Variants in RUFY2 observed in about 807,000 individuals in gnomAD.
RUFY2 encodes RUN and FYVE domain-containing protein 2.
Under a neutral mutation model 94.4 loss-of-function variants are expected in RUFY2, and 49 were observed. The ratio of observed to expected loss-of-function variants is 0.52; its 90% CI spans 0.41 to 0.66. The LOEUF (loss-of-function observed/expected upper bound fraction) is 0.66. Ranked by LOEUF, RUFY2 falls within the 30% of genes least tolerant of loss-of-function variation. The pLI, the probability that RUFY2 is intolerant of heterozygous loss-of-function variation, is 0.00. For missense variants in RUFY2, 541 were observed against 692.8 expected (o/e 0.78, Z 2.46); for synonymous variants, 255 against 235.7 (o/e 1.08, Z -0.75).
chr10:68,353,074 T>A (rs535373814), intron 16 of RUFY2, among the ~76,000 whole-genome samples: 1 of 152,112 alleles, frequency 6.6e-6, no homozygotes, highest in African/African-American at 2.4e-5. Flanking sequence ...GGCTCACACC[T>A]GTAAGCCCAG....
chr10:68,381,912 TAATCATTACTCTTTAACGGTCC>T (rs1275686373), intron 10 of RUFY2, among the ~76,000 whole-genome samples: 6 of 152,242 alleles, frequency 3.9e-5, no homozygotes, highest in Non-Finnish European at 1.5e-5. Context: ...TATATTCTGT[TAATCATTACTCTTTAACGGTCC>T]AAGAATTAAT....
chr10:68,378,360 G>A (rs2048804161), intron 12 of RUFY2: 1 of 1,228,350 alleles, frequency 8.1e-7, no homozygotes, highest in Non-Finnish European at 1.0e-6. Flanking sequence ...TTGTGCACAA[G>A]GTTTGAGGAA....
At chr10:68,374,775 T>C (rs2048514018) in intron 13 of RUFY2, among the ~76,000 whole-genome samples, 1 of 152,180 alleles carries the variant, frequency 6.6e-6, no homozygotes, top group Non-Finnish European at 1.5e-5. Flanking sequence ...CTTTGGTTGT[T>C]TGTTCTTATT....
chr10:68,407,165 G>C (rs1429713272), intron 1 of RUFY2, 21 bp downstream of exon 1: 2 of 1,461,464 alleles, frequency 1.4e-6, no homozygotes, highest in Non-Finnish European at 1.8e-6. Context: ...CTAGCGTTCG[G>C]TTTCGGCCCG....
chr10:68,390,409 A>G (rs1396656491), intron 7 of RUFY2, among the ~76,000 whole-genome samples: 1 of 152,224 alleles, frequency 6.6e-6, no homozygotes, highest in Non-Finnish European at 1.5e-5. Flanking sequence ...ATATTTTACT[A>G]ATTATTAAAT....
intron 7 of RUFY2, among the ~76,000 whole-genome samples, chr10:68,389,635 A>G (rs2049826972): frequency 6.6e-6 from 1 of 151,006 alleles, no homozygotes; most frequent in Admixed American, 6.6e-5. Context: ...AATAACCCCA[A>G]GATAAATTGT....
At chr10:68,386,611 G>A (rs1316512122) in intron 7 of RUFY2, among the ~76,000 whole-genome samples, 1 of 152,102 alleles carries the variant, frequency 6.6e-6, no homozygotes, top group African/African-American at 2.4e-5. Context: ...GCCTCCCAAA[G>A]TGCTGGATTA....
At chr10:68,400,287 G>A (rs1467750039) in intron 3 of RUFY2, among the ~76,000 whole-genome samples, 1 of 152,050 alleles carries the variant, frequency 6.6e-6, no homozygotes, top group African/African-American at 2.4e-5. Flanking sequence ...CTGCACTCCA[G>A]TCTGGGCAAC....
At chr10:68,342,184 G>T, downstream of RUFY2, 2 of 614,092 alleles carry the variant, frequency 3.3e-6, no homozygotes, top group Admixed American at 3.6e-5. Context: ...AATATTATTT[G>T]GTAAAGCAAC....
intron 15 of RUFY2, among the ~76,000 whole-genome samples, chr10:68,361,487 A>G (rs542916806): frequency 1.2e-4 from 18 of 152,336 alleles, no homozygotes; most frequent in Admixed American, 9.2e-4. Flanking sequence ...GTGTCTGTCA[A>G]GAAATAAATG....
rs1043740289 is a variant in RUFY2 at position 68,344,068 on chromosome 10, A to G, written c.*1700T>C. 1 of 152,204 alleles carries G rather than the reference A, an allele frequency of 6.6e-6. No individual in the cohort carries two copies. Among genetic ancestry groups the G allele is most frequent in the Non-Finnish European group, 1.5e-5 (1 of 68,028 alleles). The allele number at this position is 152,204 out of a possible 1,614,324, so 9.4% of individuals were successfully genotyped here. A position where few individuals can be genotyped will look rare whatever the true frequency, so the allele number is the denominator to read the frequency against. On this transcript the variant is annotated 3_prime_UTR_variant, in exon 18 of 18. Coordinates refer to ENST00000602465, the MANE Select transcript of RUFY2 (RefSeq NM_001330103.2). ...CCACCTATCAATACAAAATGGTTCA[A>G]GAATATAATCCTCTCTTGAGGACAT...
intron 15 of RUFY2, 196 bp from the exon 16 acceptor site, chr10:68,355,597 T>C (rs891020020): frequency 4.6e-6 from 2 of 437,460 alleles, no homozygotes; most frequent in African/African-American, 4.2e-5. Flanking sequence ...ATATTTTAGA[T>C]TTAAAACTTG....
chr10:68,366,158 C>T (rs1326208890), intron 13 of RUFY2, among the ~76,000 whole-genome samples: 1 of 151,734 alleles, frequency 6.6e-6, no homozygotes, highest in Non-Finnish European at 1.5e-5. Context: ...GAAACCCCAT[C>T]TCTACTAAAA....
At chr10:68,392,321 C>T (rs570472817) in intron 7 of RUFY2, among the ~76,000 whole-genome samples, 120 of 152,210 alleles carry the variant, frequency 7.9e-4, no homozygotes, top group Middle Eastern at 3.4e-3. Flanking sequence ...TGAGCCACTG[C>T]GCCTGGCCAC....
chr10:68,407,103 C>T (rs1278702831), intron 1 of RUFY2, 83 bp downstream of exon 1: 46 of 1,516,328 alleles, frequency 3.0e-5, no homozygotes, highest in Non-Finnish European at 3.6e-5. Flanking sequence ...GCGTCTCCCC[C>T]AGCTCCCAGT....
chr10:68,341,742 CTTTTT>C (rs1564757797), downstream of RUFY2: 1 of 1,586,322 alleles, frequency 6.3e-7, no homozygotes, highest in Admixed American at 1.9e-5. Context: ...AATTTTTTTT[CTTTTT>C]TCTTTTTAAA....
chr10:68,383,999 A>C, intron 9 of RUFY2, 52 bp downstream of exon 9: 1 of 1,585,388 alleles, frequency 6.3e-7, no homozygotes, highest in Non-Finnish European at 8.6e-7. Context: ...AAATCCCCAA[A>C]AATGGTAATT....
At chr10:68,384,718 G>A (rs1564829503) in intron 8 of RUFY2, among the ~76,000 whole-genome samples, 1 of 152,116 alleles carries the variant, frequency 6.6e-6, no homozygotes, top group Non-Finnish European at 1.5e-5. Flanking sequence ...TTGACTCTGA[G>A]GCCCAGAATG....
At position 68,383,899 on chromosome 10, in the gene RUFY2, C is replaced by A; in HGVS notation, c.838G>T (p.Val280Leu). 1 of 1,613,632 alleles carries A rather than the reference C, an allele frequency of 6.2e-7. No homozygotes were observed. The highest frequency in any genetic ancestry group is 1.1e-5 in the South Asian group (1 of 91,074). The part of the protein sequence containing the change: ...QQHLEVTKVD[V>L]ETELQTYKHS... ...TTATATGTTTGAAGCTCAGTTTCCA[C>A]ATCTACTTTGGTAACCTAGGAAGAA... Residue 280 changes from valine to leucine, a missense_variant, in exon 10 of 18, where the codon GTG becomes TTG. Val to Leu is a conservative substitution (Grantham distance 32, BLOSUM62 1). Transcript: ENST00000602465.
Sources: gnomAD v4.1 joint callset for allele counts (sites outside exome capture counted in the v4.1 genomes callset) on GRCh38, gnomAD v4.1.1 for gene constraint, MANE v1.5 for transcripts, NCBI Gene and HGNC (gene_info 2026-07-23, HGNC 2026-07-21) for gene names.